Variants in PHYKPL observed in about 807,000 individuals in gnomAD.
The protein encoded by PHYKPL is 5-phosphonooxy-L-lysine phospho-lyase.
In PHYKPL, 42 loss-of-function variants were observed where a neutral mutation model predicts 51.3. The ratio of observed to expected loss-of-function variants is 0.82; its 90% CI spans 0.64 to 1.06. The LOEUF (loss-of-function observed/expected upper bound fraction) is 1.06, where lower values mean the gene tolerates loss of function less well. PHYKPL is among the 50% of genes least tolerant of loss of function. The pLI, the probability that PHYKPL is intolerant of heterozygous loss-of-function variation, is 0.00. For missense variants in PHYKPL, 655 were observed against 586.6 expected, an observed-to-expected ratio of 1.12 and a Z score of -1.20; for synonymous variants, 264 against 236.0, an observed-to-expected ratio of 1.12 and a Z score of -1.09.
At chr5:178,217,557 T>TG (rs1209970031) in intron 8 of PHYKPL, among the ~76,000 whole-genome samples, 2 of 135,498 alleles carry the variant, frequency 1.5e-5, no homozygotes, top group Admixed American at 7.6e-5. Context: ...AAAGAATCAG[T>TG]GAAAAAAAAA....
intron 10 of PHYKPL, among the ~76,000 whole-genome samples, chr5:178,214,354 G>A (rs560702327): frequency 2.6e-5 from 4 of 152,270 alleles, no homozygotes; most frequent in East Asian, 1.9e-4. Context: ...AGGAGCAGGA[G>A]TCTTGTCCAT....
chr5:178,221,039 G>A (rs1761077156), intron 8 of PHYKPL, among the ~76,000 whole-genome samples: 1 of 152,170 alleles, frequency 6.6e-6, no homozygotes, highest in South Asian at 2.1e-4. Flanking sequence ...CATCTGGAGA[G>A]ATACATGATA....
chr5:178,231,776 T>C, intron 1 of PHYKPL: 1 of 1,458,342 alleles, frequency 6.9e-7, no homozygotes, highest in East Asian at 3.1e-5. Context: ...TGTGGCCTCC[T>C]TGCTCATTTC....
At chr5:178,216,330 C>T (rs1289261339) in intron 8 of PHYKPL, 1 of 152,158 alleles carries the variant, frequency 6.6e-6, no homozygotes, top group East Asian at 1.9e-4. Flanking sequence ...CCTAAGCTCT[C>T]ACCACTGGCT....
intron 10 of PHYKPL, 52 bp from the exon 11 acceptor site, chr5:178,213,155 G>A: frequency 6.2e-7 from 1 of 1,601,086 alleles, no homozygotes; most frequent in Non-Finnish European, 8.5e-7. Context: ...TCCTCAGCCT[G>A]GCCTTGGCCT....
downstream of PHYKPL, chr5:178,207,195 G>A (rs747357685): frequency 3.0e-5 from 48 of 1,614,044 alleles, no homozygotes; most frequent in Non-Finnish European, 3.8e-5. Context: ...AGGTTCTGGA[G>A]AAAAAGTTCC....
chr5:178,227,243 C>T (rs989523168), intron 3 of PHYKPL, among the ~76,000 whole-genome samples: 57 of 152,144 alleles, frequency 3.7e-4, no homozygotes, highest in African/African-American at 1.3e-3. Context: ...AAAGAGACAC[C>T]AGGGACACCT....
Position 178,213,087 on chromosome 5 carries a change from CGTA to C in PHYKPL, c.1186_1188del (p.Tyr396del). ...CCAGGGCCATCAGTGCTCAGCAAAA[CGTA>C]GTTCTCCTTCAGCCTGTGAGGACAG... is the stretch of plus-strand genomic sequence containing the variant. On this transcript the variant is annotated inframe_deletion, in exon 11 of 13. Coordinates refer to ENST00000308158, the MANE Select transcript of PHYKPL (RefSeq NM_153373.4). 3 of 1,614,158 alleles carry C rather than the reference CGTA, an allele frequency of 1.9e-6. No homozygotes were observed. Among genetic ancestry groups the C allele is most frequent in the Non-Finnish European group, 2.5e-6 (3 of 1,179,992 alleles).
intron 8 of PHYKPL, among the ~76,000 whole-genome samples, chr5:178,220,087 T>G (rs7717633): frequency 6.6e-6 from 1 of 150,934 alleles, no homozygotes; most frequent in Non-Finnish European, 1.5e-5. Context: ...CCCAGGTACT[T>G]GGCAGGCTGA....
Position 178,211,923 on chromosome 5 carries a change from A to C in PHYKPL, c.1351T>G (p.Ter451GluextTer56), listed in dbSNP as rs536273718. 55 of 1,613,240 alleles carry C rather than the reference A, an allele frequency of 3.4e-5. No individual in the cohort carries two copies. The highest frequency in any genetic ancestry group is 4.7e-5 in the Non-Finnish European group (55 of 1,179,242). ...CACTTAGGCAGAGCAGGGCTGGCTTAGGGCTGGAGCCTCAGCGTTTCACAA... is the reference window on the plus strand; with the variant it reads ...CACTTAGGCAGAGCAGGGCTGGCTTCGGGCTGGAGCCTCAGCGTTTCACAA... ...RSCETLRLQP* is the reference protein window; with the variant it reads ...RSCETLRLQPE The change falls in exon 12 of 13, where the codon TAA (stop) becomes GAA (glutamate). Residue 451 changes from the stop codon to glutamate (E), a stop_lost. Transcript: ENST00000308158.
At chr5:178,217,411 G>A in intron 8 of PHYKPL, among the ~76,000 whole-genome samples, 1 of 151,898 alleles carries the variant, frequency 6.6e-6, no homozygotes, top group East Asian at 2.0e-4. Flanking sequence ...AGTAGAGACG[G>A]AGTTTCACTG....
At position 178,232,635 on chromosome 5, in the gene PHYKPL, C is replaced by T; in HGVS notation, c.-85G>A. On this transcript the variant is annotated 5_prime_UTR_variant, in exon 1 of 13. Transcript: ENST00000308158. The stretch of plus-strand genomic sequence containing the variant: ...GCCTCCAAGGCCCCGCTCCGGGCCC[C>T]GCCCCTGCCTGGGTCGGGATTTGGG... The T allele has an allele frequency of 8.2e-7, 1 of 1,221,190 alleles. No homozygotes were observed. Among genetic ancestry groups the T allele is most frequent in the Non-Finnish European group, 1.0e-6 (1 of 977,978 alleles). The allele number at this position is 1,221,190 out of a possible 1,614,324, so 75.6% of individuals were successfully genotyped here.
intron 4 of PHYKPL, chr5:178,225,047 T>G: frequency 1.8e-6 from 1 of 564,858 alleles, no homozygotes; most frequent in Non-Finnish European, 3.2e-6. Context: ...CTCGGCTTTG[T>G]GCACATCACA....
intron 10 of PHYKPL, among the ~76,000 whole-genome samples, chr5:178,213,450 T>C (rs75738702): frequency 0.039 from 5,898 of 152,164 alleles, 331 homozygotes; most frequent in African/African-American, 0.13. Flanking sequence ...ACGTGATGTA[T>C]ATTGTTTCCT....
chr5:178,215,900 C>T (rs1759679941), intron 8 of PHYKPL: 2 of 155,306 alleles, frequency 1.3e-5, no homozygotes, highest in Admixed American at 1.3e-4. Flanking sequence ...ACCCTGTCCT[C>T]ATCCTGCAGG....
intron 12 of PHYKPL, chr5:178,209,543 G>T: frequency 9.4e-7 from 1 of 1,064,916 alleles, no homozygotes; most frequent in Non-Finnish European, 1.4e-6. Context: ...GTGCAGCAGG[G>T]GTGGGCAGAT....
At chr5:178,223,046 C>T (rs892673209) in intron 6 of PHYKPL, 112 bp from the exon 7 acceptor site, 4 of 993,268 alleles carry the variant, frequency 4.0e-6, no homozygotes, top group Non-Finnish European at 6.1e-6. Context: ...ATCAGTGCTG[C>T]ACCCCTACTT....
intron 3 of PHYKPL, among the ~76,000 whole-genome samples, chr5:178,227,642 A>C (rs1050612593): frequency 6.6e-6 from 1 of 152,210 alleles, no homozygotes; most frequent in Admixed American, 6.5e-5. Context: ...GGACATGTGC[A>C]CAGGGCTGGG....
chr5:178,230,250 G>C, intron 2 of PHYKPL, 151 bp from the exon 3 acceptor site: 2 of 925,070 alleles, frequency 2.2e-6, no homozygotes, highest in Non-Finnish European at 3.2e-6. Context: ...AGCAGGGAGA[G>C]AGAAGCTGGT....
Sources: allele counts gnomAD v4.1 joint callset (sites outside exome capture counted in the v4.1 genomes callset), GRCh38; gene constraint gnomAD v4.1.1; transcripts MANE v1.5; gene names NCBI Gene and HGNC (gene_info 2026-07-23, HGNC 2026-07-21).